The following RIN2 variants were observed in gnomAD, a reference collection of about 807,000 sequenced individuals.
RIN2 encodes the protein RAB5 interacting protein 2.
In RIN2, 36 loss-of-function variants were observed where a neutral mutation model predicts 78.0. That is an observed-to-expected ratio of 0.46 (90% confidence interval 0.35 to 0.61). The LOEUF is 0.61. Ranked by LOEUF, RIN2 falls within the 20% of genes least tolerant of loss-of-function variation. RIN2 has a pLI of 0.00. For missense variants in RIN2, 1,087 were observed against 1,159.7 expected (o/e 0.94, Z 0.91); for synonymous variants, 466 against 466.8 (o/e 1.00, Z 0.02).
At chr20:19,950,896 T>C (rs1347754542) in intron 4 of RIN2, among the ~76,000 whole-genome samples, 1 of 151,002 alleles carries the variant, frequency 6.6e-6, no homozygotes, top group African/African-American at 2.4e-5. Flanking sequence ...TTTTTTTTTT[T>C]TTTCTTTTTT....
chr20:19,974,328 T>C (rs576656698), intron 8 of RIN2, among the ~76,000 whole-genome samples: 42 of 152,314 alleles, frequency 2.8e-4, no homozygotes, highest in Admixed American at 2.0e-3. Context: ...GTGACCTTTT[T>C]TGAGCTTATA....
chr20:19,904,784 C>G (rs186439568), intron 3 of RIN2, among the ~76,000 whole-genome samples: 2 of 152,240 alleles, frequency 1.3e-5, no homozygotes, highest in African/African-American at 2.4e-5. Flanking sequence ...AAAGCTCACC[C>G]GGCATTAGCA....
At chr20:19,781,886 G>C (rs557080732) in intron 1 of RIN2, among the ~76,000 whole-genome samples, 1 of 151,604 alleles carries the variant, frequency 6.6e-6, no homozygotes, top group South Asian at 2.1e-4. Flanking sequence ...CTAGGAATAC[G>C]AAACCTAAAA....
At chr20:19,933,260 A>G (rs977154769) in intron 3 of RIN2, among the ~76,000 whole-genome samples, 4 of 152,210 alleles carry the variant, frequency 2.6e-5, no homozygotes, top group African/African-American at 9.6e-5. Context: ...CAAGGTGGTG[A>G]ATACCATGAT....
chr20:19,851,035 AAGG>A (rs1568814936), intron 2 of RIN2, among the ~76,000 whole-genome samples: 14 of 114,066 alleles, frequency 1.2e-4, no homozygotes, highest in African/African-American at 2.6e-4. Context: ...GGAAGGAAGG[AAGG>A]AAGGAAGGAA....
chr20:19,868,797 C>T (rs2037588583), intron 2 of RIN2, among the ~76,000 whole-genome samples: 1 of 152,120 alleles, frequency 6.6e-6, no homozygotes, highest in Non-Finnish European at 1.5e-5. Context: ...AAGGTGTTCA[C>T]TAGCTGGGCA....
chr20:19,940,364 C>T (rs1600875873), intron 4 of RIN2, among the ~76,000 whole-genome samples: 2 of 152,178 alleles, frequency 1.3e-5, no homozygotes, highest in Admixed American at 6.5e-5. Context: ...CAGGTGGCCA[C>T]CAACCGGTGC....
At chr20:19,873,914 G>C (rs752931607) in intron 2 of RIN2, among the ~76,000 whole-genome samples, 14 of 152,108 alleles carry the variant, frequency 9.2e-5, no homozygotes, top group Non-Finnish European at 1.9e-4. Flanking sequence ...GTGGTCATTC[G>C]TGCACATACA....
intron 9 of RIN2, among the ~76,000 whole-genome samples, chr20:19,983,002 G>C (rs2042509365): frequency 6.6e-6 from 1 of 152,208 alleles, no homozygotes; most frequent in South Asian, 2.1e-4. Flanking sequence ...CCCAGTCAGT[G>C]CTTCCTGGGA....
chr20:19,967,451 A>T (rs971108966), intron 7 of RIN2, among the ~76,000 whole-genome samples: 2 of 152,248 alleles, frequency 1.3e-5, no homozygotes, highest in Non-Finnish European at 2.9e-5. Flanking sequence ...TTGTTAGTAT[A>T]TAAATATATT....
chr20:19,915,689 C>T (rs890242888), intron 3 of RIN2, among the ~76,000 whole-genome samples: 2 of 152,204 alleles, frequency 1.3e-5, no homozygotes, highest in African/African-American at 4.8e-5. Context: ...TAATCATCTT[C>T]ACAAGACCGA....
chr20:19,827,302 C>G (rs551019627), intron 2 of RIN2, among the ~76,000 whole-genome samples: 1 of 152,206 alleles, frequency 6.6e-6, no homozygotes, highest in South Asian at 2.1e-4. Context: ...GTCTAATAGC[C>G]CTGCGAAGTA....
At chr20:19,920,019 G>A (rs994206889) in intron 3 of RIN2, among the ~76,000 whole-genome samples, 6 of 152,148 alleles carry the variant, frequency 3.9e-5, no homozygotes, top group African/African-American at 1.4e-4. Context: ...CCCAGGCCGG[G>A]CGCAGTGGCT....
intron 1 of RIN2, among the ~76,000 whole-genome samples, chr20:19,783,199 C>A (rs547150128): frequency 6.6e-6 from 1 of 152,344 alleles, no homozygotes; most frequent in African/African-American, 2.4e-5. Context: ...ACTGGAAAAA[C>A]TTTCTGTGTT....
intron 9 of RIN2, among the ~76,000 whole-genome samples, chr20:19,982,125 T>C (rs1197882165): frequency 1.3e-5 from 2 of 152,168 alleles, no homozygotes; most frequent in Non-Finnish European, 2.9e-5. Flanking sequence ...AGAAGACTAA[T>C]TGACTCTATG....
chr20:19,907,725 T>G (rs1482240250), intron 3 of RIN2, among the ~76,000 whole-genome samples: 1 of 152,210 alleles, frequency 6.6e-6, no homozygotes, highest in Non-Finnish European at 1.5e-5. Context: ...CACTCACCTT[T>G]TCAAACGTAG....
At chr20:19,834,952 A>C (rs1291002674) in intron 2 of RIN2, among the ~76,000 whole-genome samples, 1 of 148,296 alleles carries the variant, frequency 6.7e-6, no homozygotes, top group African/African-American at 2.6e-5. Flanking sequence ...AAGAAAAGAG[A>C]GAGAGAGAGA....
chr20:19,761,992 T>C (rs997716756), intron 1 of RIN2, among the ~76,000 whole-genome samples: 1 of 152,224 alleles, frequency 6.6e-6, no homozygotes, highest in African/African-American at 2.4e-5. Flanking sequence ...AGTGAGAAAG[T>C]ACACCTGCTC....
At chr20:19,998,735 G>A (rs73605562) in intron 12 of RIN2, among the ~76,000 whole-genome samples, 12,571 of 152,208 alleles carry the variant, frequency 0.083, 1,641 homozygotes, top group East Asian at 0.61. Context: ...GAGAATACAC[G>A]CACTGCACTC....
Sources: gnomAD v4.1 joint callset for allele counts (sites outside exome capture counted in the v4.1 genomes callset) on GRCh38, gnomAD v4.1.1 for gene constraint, MANE v1.5 for transcripts, NCBI Gene and HGNC (gene_info 2026-07-23, HGNC 2026-07-21) for gene names.